KIF18A: variants seen among roughly 807,000 people sequenced by gnomAD.
The protein encoded by KIF18A is kinesin family member 18A, also known as kinesin-like protein KIF18A.
A neutral mutation model predicts 103.3 loss-of-function variants in KIF18A; 67 were observed. The observed-to-expected ratio is 0.65, with a 90% CI of 0.53 to 0.79. The LOEUF is 0.79. KIF18A is among the 30% of genes least tolerant of loss of function. The pLI, the probability that KIF18A is intolerant of heterozygous loss-of-function variation, is 0.00. For missense variants in KIF18A, 1,032 were observed against 1,062.5 expected, an observed-to-expected ratio of 0.97 and a Z score of 0.40; for synonymous variants, 367 against 355.5, an observed-to-expected ratio of 1.03 and a Z score of -0.36.
intron 2 of KIF18A, 71 bp from the exon 3 acceptor site, chr11:28,094,871 G>GATATA: frequency 4.9e-6 from 7 of 1,414,548 alleles, no homozygotes; most frequent in Non-Finnish European, 7.0e-6. Flanking sequence ...CTATCTAGTG[G>GATATA]ATAGTTCCAT....
In KIF18A at chr11:28,049,146, T is replaced by G. The variant is rs79811469; in HGVS notation, c.1948+9780A>C. Among the ~76,000 whole-genome samples the G allele has an allele frequency of 4.4e-3, 669 of 152,204 alleles. 8 individuals carry two copies. The highest frequency in any genetic ancestry group is 0.014 in the African/African-American group (599 of 41,574). ...TTTCTTATGCCAAATTTTCTAAAAATATTTTAAAATAAATTAAGAAACATC... is the reference window on the plus strand; with the variant it reads ...TTTCTTATGCCAAATTTTCTAAAAAGATTTTAAAATAAATTAAGAAACATC... On this transcript the variant is annotated intron_variant, in intron 13 of 16. Coordinates refer to ENST00000263181, the MANE Select transcript of KIF18A (RefSeq NM_031217.4).
chr11:28,076,963 T>C (rs1851101207), intron 10 of KIF18A, 44 bp downstream of exon 10: 2 of 759,418 alleles, frequency 2.6e-6, no homozygotes, highest in Non-Finnish European at 3.7e-6. Flanking sequence ...AAAGCCCCCA[T>C]GTTTTTATAC....
chr11:28,106,434 G>C (rs539958173), intron 1 of KIF18A, among the ~76,000 whole-genome samples: 2 of 151,604 alleles, frequency 1.3e-5, no homozygotes, highest in African/African-American at 2.4e-5. Flanking sequence ...ATCAGTCTTG[G>C]GGGCACTACT....
In KIF18A at chr11:28,091,409, C is replaced by T. The variant is rs1443576155; in HGVS notation, c.588G>A (p.Gln196=). The change falls in exon 4 of 17, where the codon CAG becomes CAA. Residue 196 remains glutamine (Q), a splice_region_variant and synonymous_variant. Transcript: ENST00000263181. ...GVVVHGLTLH[Q]PKSSEEILHL... is the part of the protein sequence containing the mutation. ...GGGAAAAAGATGTTTATATACATAC[C>T]TGGTGTAAAGTAAGTCCATGAACGA... The T allele has an allele frequency of 6.5e-7, 1 of 1,533,124 alleles. No homozygotes were observed. Among genetic ancestry groups the T allele is most frequent in the Non-Finnish European group, 9.0e-7 (1 of 1,109,242 alleles). 95.0% of individuals were successfully genotyped at this position (1,533,124 alleles called of 1,614,324 possible).
At chr11:28,063,420 T>C (rs1468954398) in intron 11 of KIF18A, among the ~76,000 whole-genome samples, 1 of 152,044 alleles carries the variant, frequency 6.6e-6, no homozygotes, top group African/African-American at 2.4e-5. Flanking sequence ...CTTTCTTCTT[T>C]TAAAGAGACA....
intron 3 of KIF18A, among the ~76,000 whole-genome samples, chr11:28,093,189 A>G (rs1851326045): frequency 6.6e-6 from 1 of 152,222 alleles, no homozygotes; most frequent in Non-Finnish European, 1.5e-5. Context: ...AAATTCTCCC[A>G]GTTATAAAAA....
intron 5 of KIF18A, among the ~76,000 whole-genome samples, chr11:28,090,147 G>T (rs758323935): frequency 6.6e-6 from 1 of 152,134 alleles, no homozygotes; most frequent in Non-Finnish European, 1.5e-5. Flanking sequence ...ATTAACCTAT[G>T]CTTTAGCTCT....
At chr11:28,078,575 T>C (rs972358108) in intron 9 of KIF18A, among the ~76,000 whole-genome samples, 5 of 152,142 alleles carry the variant, frequency 3.3e-5, no homozygotes, top group Non-Finnish European at 4.4e-5. Context: ...CTGAAAGAGT[T>C]CTAAGCAAAC....
intron 13 of KIF18A, among the ~76,000 whole-genome samples, chr11:28,040,764 T>G (rs895536518): frequency 2.0e-5 from 3 of 151,736 alleles, no homozygotes; most frequent in African/African-American, 7.3e-5. Context: ...TAAGAGGTAG[T>G]GGGTAGCAAT....
chr11:28,103,504 T>C (rs1301668012), intron 1 of KIF18A, among the ~76,000 whole-genome samples: 1 of 152,068 alleles, frequency 6.6e-6, no homozygotes, highest in African/African-American at 2.4e-5. Flanking sequence ...GGTTAGATTA[T>C]ATGATACGGA....
In KIF18A at chr11:28,036,429, A is replaced by G; in HGVS notation, c.2184T>C (p.Phe728=). 6.2e-7 allele frequency: 1 copy of G among 1,611,020 alleles called. No homozygotes were observed. The highest frequency in any genetic ancestry group is 8.5e-7 in the Non-Finnish European group (1 of 1,178,000). The change falls in exon 14 of 17, where the codon TTT becomes TTC. Residue 728 remains phenylalanine (F), a synonymous_variant. Coordinates refer to ENST00000263181, the MANE Select transcript of KIF18A (RefSeq NM_031217.4). ...AGCTGATAGCCTGAAAACTTGTAGT[A>G]AATGATGATGGTTTCATTAAGGTTA... ...STVTLMKPSS[F]TTSFQAISSN... is the part of the protein sequence containing the mutation.
chr11:28,097,069 T>C (rs1037856519), intron 2 of KIF18A, among the ~76,000 whole-genome samples: 4 of 152,054 alleles, frequency 2.6e-5, no homozygotes, highest in Non-Finnish European at 5.9e-5. Context: ...GTTACATGGG[T>C]AAATTGCATG....
intron 13 of KIF18A, among the ~76,000 whole-genome samples, chr11:28,042,949 T>C (rs1186808654): frequency 6.6e-6 from 1 of 151,822 alleles, no homozygotes; most frequent in African/African-American, 2.4e-5. Context: ...CTTATAGTAC[T>C]CCCTATCCTT....
At chr11:28,027,082 C>T (rs1565068153) in intron 15 of KIF18A, among the ~76,000 whole-genome samples, 1 of 151,714 alleles carries the variant, frequency 6.6e-6, no homozygotes, top group East Asian at 1.9e-4. Context: ...CTATGTAGCA[C>T]AAATAAGTAG....
intron 13 of KIF18A, among the ~76,000 whole-genome samples, chr11:28,042,697 G>C (rs570280911): frequency 6.6e-6 from 1 of 151,942 alleles, no homozygotes; most frequent in East Asian, 1.9e-4. Flanking sequence ...AATACCCATA[G>C]TACAAGGAGG....
Position 28,090,685 on chromosome 11 carries a change from T to C in KIF18A, c.631A>G (p.Asn211Asp). The change falls in exon 5 of 17, where the codon AAC becomes GAC. Residue 211 changes from asparagine (N) to aspartate (D), a missense_variant. Asn to Asp is a conservative substitution (Grantham distance 23). Transcript: ENST00000263181. ...EEILHLLDNG[N>D]KNRTQHPTDM... ...GTGGGATGTTGTGTCCTGTTTTTGT[T>C]TCCATTATCCAATAAATGTAAAATT... is the stretch of plus-strand genomic sequence containing the variant. 2 of 1,610,212 alleles carry C rather than the reference T, an allele frequency of 1.2e-6. No homozygotes were observed. Among genetic ancestry groups the C allele is most frequent in the African/African-American group, 1.3e-5 (1 of 74,950 alleles).
At chr11:28,033,825 G>A (rs942228787) in intron 15 of KIF18A, among the ~76,000 whole-genome samples, 1 of 151,404 alleles carries the variant, frequency 6.6e-6, no homozygotes, top group Admixed American at 6.6e-5. Context: ...CAACAATAAT[G>A]TATTGTACAT....
intron 13 of KIF18A, among the ~76,000 whole-genome samples, chr11:28,046,956 A>G (rs1388257501): frequency 7.1e-6 from 1 of 141,690 alleles, no homozygotes; most frequent in Non-Finnish European, 1.5e-5. Context: ...TGGGAGGCTG[A>G]GGGAGGAGAA....
At chr11:28,035,579 A>T in intron 14 of KIF18A, 85 bp from the exon 15 acceptor site, 1 of 676,506 alleles carries the variant, frequency 1.5e-6, no homozygotes, top group Non-Finnish European at 2.3e-6. Context: ...CCATAATTAG[A>T]AAACCATTTG....
Sources: allele counts gnomAD v4.1 joint callset (sites outside exome capture counted in the v4.1 genomes callset), GRCh38; gene constraint gnomAD v4.1.1; transcripts MANE v1.5; gene names NCBI Gene and HGNC (gene_info 2026-07-23, HGNC 2026-07-21).